The following ZNG1A variants were observed in gnomAD, a reference collection of about 807,000 sequenced individuals.
The protein encoded by ZNG1A is zinc-regulated GTPase metalloprotein activator 1A.
At chr9:126,520 A>C in the ZNG1A span, among the ~76,000 whole-genome samples, 14 of 151,988 alleles carry the variant, frequency 9.2e-5, no homozygotes, top group Non-Finnish European at 1.6e-4. Context: ...AGCCTTGAAT[A>C]TCTTTTGTAT....
chr9:163,204 A>G, the ZNG1A span, among the ~76,000 whole-genome samples: 15 of 152,242 alleles, frequency 9.9e-5, no homozygotes, highest in East Asian at 2.5e-3. Context: ...TCGCTTAACT[A>G]AGAAAGTTTC....
chr9:169,004 A>T, the ZNG1A span, among the ~76,000 whole-genome samples: 3 of 152,124 alleles, frequency 2.0e-5, no homozygotes, highest in Admixed American at 2.0e-4. Flanking sequence ...CCACTGATCA[A>T]GGAGTAACTT....
the ZNG1A span, chr9:161,511 G>C: frequency 9.0e-7 from 1 of 1,114,342 alleles, no homozygotes; most frequent in African/African-American, 1.6e-5. Flanking sequence ...ATATGAGGTT[G>C]GATACAAAAC....
the ZNG1A span, chr9:159,973 C>G: frequency 0.75 from 291,872 of 390,436 alleles, 109,897 homozygotes; most frequent in South Asian, 0.78. Context: ...ATATAACAGA[C>G]GAACCAAGAA....
At chr9:141,273 GT>G in the ZNG1A span, among the ~76,000 whole-genome samples, 1 of 123,508 alleles carries the variant, frequency 8.1e-6, no homozygotes, top group African/African-American at 3.3e-5. Flanking sequence ...AGGAAAAAAT[GT>G]TAAGGGCAGC....
the ZNG1A span, among the ~76,000 whole-genome samples, chr9:165,805 C>CA: frequency 1.5e-5 from 1 of 67,062 alleles, no homozygotes. Context: ...AAAAATAAAA[C>CA]AAAAAGGCCA....
the ZNG1A span, among the ~76,000 whole-genome samples, chr9:128,930 T>C: frequency 6.6e-6 from 1 of 151,804 alleles, no homozygotes; most frequent in Non-Finnish European, 1.5e-5. Context: ...AGCTGAGCTG[T>C]AGTGATTGCT....
At chr9:149,920 C>T in the ZNG1A span, among the ~76,000 whole-genome samples, 1 of 145,832 alleles carries the variant, frequency 6.9e-6, no homozygotes, top group East Asian at 2.0e-4. Context: ...CAACTTAAGT[C>T]TTACCACTAA....
the ZNG1A span, chr9:151,303 A>G: frequency 1.2e-5 from 12 of 983,070 alleles, no homozygotes; most frequent in Non-Finnish European, 1.4e-5. Flanking sequence ...CAAGCCACTC[A>G]CCTAAGGCCT....
At chr9:152,762 A>AT in the ZNG1A span, among the ~76,000 whole-genome samples, 2 of 146,046 alleles carry the variant, frequency 1.4e-5, no homozygotes, top group African/African-American at 5.1e-5. Context: ...TCAATCATCA[A>AT]TTCTCTATCA....
At chr9:165,096 T>C in the ZNG1A span, among the ~76,000 whole-genome samples, 12 of 152,206 alleles carry the variant, frequency 7.9e-5, no homozygotes, top group South Asian at 1.2e-3. Context: ...ATGACAATTA[T>C]TTAACTTAGA....
At chr9:177,733 T>TACGG in the ZNG1A span, 1 of 1,532,882 alleles carries the variant, frequency 6.5e-7, no homozygotes, top group African/African-American at 1.4e-5. Flanking sequence ...CAGTGAGCAA[T>TACGG]ACGGGAAAGG....
the ZNG1A span, chr9:150,687 C>T: frequency 1.0e-6 from 1 of 982,290 alleles, no homozygotes; most frequent in Non-Finnish European, 1.2e-6. Flanking sequence ...CACTCATCCA[C>T]TTGAAGTAAG....
chr9:142,917 T>G, the ZNG1A span, among the ~76,000 whole-genome samples: 3 of 113,762 alleles, frequency 2.6e-5, 1 homozygote, highest in African/African-American at 4.1e-5. Context: ...TACAAACACC[T>G]CTACGCAAAT....
At chr9:149,386 C>T in the ZNG1A span, 1 of 151,660 alleles carries the variant, frequency 6.6e-6, no homozygotes, top group East Asian at 1.9e-4. Context: ...TCAAAGGTCC[C>T]TGGAATACAA....
chr9:141,161 C>G, the ZNG1A span, among the ~76,000 whole-genome samples: 2 of 139,300 alleles, frequency 1.4e-5, no homozygotes, highest in East Asian at 4.5e-4. Context: ...GCAAGGCAGG[C>G]CAACATTCAG....
the ZNG1A span, chr9:146,043 T>C: frequency 1.2e-5 from 16 of 1,330,480 alleles, 1 homozygote; most frequent in Non-Finnish European, 1.6e-5. Flanking sequence ...ATCATTCCTG[T>C]TAACTATGGG....
the ZNG1A span, chr9:154,450 C>T: frequency 2.0e-6 from 1 of 509,822 alleles, no homozygotes; most frequent in Non-Finnish European, 3.4e-6. Flanking sequence ...AAAGAGAAGA[C>T]AGGAAAAGAA....
At chr9:177,892 G>A in the ZNG1A span, 25 of 1,506,952 alleles carry the variant, frequency 1.7e-5, no homozygotes, top group African/African-American at 3.6e-4. Flanking sequence ...TAAACTTACA[G>A]TCTACAAAGT....
Sources: allele counts gnomAD v4.1 joint callset (sites outside exome capture counted in the v4.1 genomes callset), GRCh38; gene constraint gnomAD v4.1.1; transcripts MANE v1.5; gene names NCBI Gene and HGNC (gene_info 2026-07-23, HGNC 2026-07-21).